RGL1: variants seen among roughly 807,000 people sequenced by gnomAD.
RGL1 encodes the protein ral guanine nucleotide dissociation stimulator like 1, also known as ral guanine nucleotide dissociation stimulator-like 1.
In RGL1, 24 loss-of-function variants were observed where a neutral mutation model predicts 95.2. The ratio of observed to expected loss-of-function variants is 0.25; its 90% CI spans 0.18 to 0.35. The LOEUF (loss-of-function observed/expected upper bound fraction) is 0.35. Among genes scored for constraint, RGL1 ranks in the 10% least tolerant of loss-of-function variants. The probability of loss-of-function intolerance (pLI) is 1.00; values close to 1 mark genes in which losing one functional copy is unlikely to be tolerated. For synonymous variants in RGL1, 329 were observed against 344.9 expected (o/e 0.95, Z 0.51); for missense variants, 715 against 936.3 (o/e 0.76, Z 3.08).
At chr1:183,691,065 T>A (rs1035444166) in intron 1 of RGL1, among the ~76,000 whole-genome samples, 1 of 152,146 alleles carries the variant, frequency 6.6e-6, no homozygotes, top group Admixed American at 6.5e-5. Context: ...AAATAAAAAA[T>A]AAAAATAAAA....
chr1:183,797,276 C>T (rs1660746895), intron 2 of RGL1, among the ~76,000 whole-genome samples: 1 of 152,144 alleles, frequency 6.6e-6, no homozygotes, highest in Non-Finnish European at 1.5e-5. Flanking sequence ...TTGCAGTGAG[C>T]TGGGATGGCG....
chr1:183,782,324 G>T (rs1659945222), intron 2 of RGL1, among the ~76,000 whole-genome samples: 1 of 152,186 alleles, frequency 6.6e-6, no homozygotes, highest in Non-Finnish European at 1.5e-5. Context: ...AATTTGTGAG[G>T]CAAGATAGAA....
At chr1:183,902,517 GT>G (rs1244203361) in intron 11 of RGL1, 50 bp from the exon 12 acceptor site, 52 of 1,512,514 alleles carry the variant, frequency 3.4e-5, no homozygotes, top group Non-Finnish European at 4.7e-5. Context: ...ACATATGGCT[GT>G]GTTTTAAAGT....
At chr1:183,827,747 A>G (rs1357485800) in intron 2 of RGL1, among the ~76,000 whole-genome samples, 2 of 152,244 alleles carry the variant, frequency 1.3e-5, no homozygotes, top group Admixed American at 6.5e-5. Context: ...CGTTGGATAC[A>G]ATAGCTGTGT....
At chr1:183,686,858 G>T (rs1653619469) in intron 1 of RGL1, among the ~76,000 whole-genome samples, 1 of 152,124 alleles carries the variant, frequency 6.6e-6, no homozygotes, top group Non-Finnish European at 1.5e-5. Flanking sequence ...CTCAAACCTT[G>T]ACTTGGCAAT....
intron 1 of RGL1, among the ~76,000 whole-genome samples, chr1:183,731,605 A>G (rs1364319545): frequency 6.6e-6 from 1 of 152,168 alleles, no homozygotes; most frequent in Non-Finnish European, 1.5e-5. Flanking sequence ...ACATGGCCAC[A>G]ATTCTGTGAA....
At chr1:183,810,691 A>C (rs1004738880) in intron 2 of RGL1, among the ~76,000 whole-genome samples, 1 of 151,908 alleles carries the variant, frequency 6.6e-6, no homozygotes, top group Admixed American at 6.6e-5. Context: ...TGAGAAGTTG[A>C]CTCTCACTTG....
At chr1:183,754,056 TC>T (rs1658190546) in intron 2 of RGL1, among the ~76,000 whole-genome samples, 1 of 152,074 alleles carries the variant, frequency 6.6e-6, no homozygotes, top group Non-Finnish European at 1.5e-5. Context: ...TAAATTCTTA[TC>T]TTGATGTTTT....
intron 1 of RGL1, among the ~76,000 whole-genome samples, chr1:183,730,418 C>T (rs1332866709): frequency 1.3e-5 from 2 of 152,148 alleles, no homozygotes; most frequent in Non-Finnish European, 1.5e-5. Context: ...ACAAAACTCA[C>T]TACCTCCCCT....
chr1:183,802,358 A>G (rs1661037764), upstream of RGL1, among the ~76,000 whole-genome samples: 1 of 152,164 alleles, frequency 6.6e-6, no homozygotes, highest in Non-Finnish European at 1.5e-5. Context: ...TATGTTTTCA[A>G]ATCAAGAAGC....
intron 2 of RGL1, among the ~76,000 whole-genome samples, chr1:183,832,915 T>C (rs1663359889): frequency 6.6e-6 from 1 of 151,250 alleles, no homozygotes; most frequent in African/African-American, 2.4e-5. Context: ...TCTCCAGGGA[T>C]ATCACAGGAG....
chr1:183,788,344 G>A (rs1660280881), intron 2 of RGL1, among the ~76,000 whole-genome samples: 1 of 152,130 alleles, frequency 6.6e-6, no homozygotes, highest in Admixed American at 6.5e-5. Flanking sequence ...GTGAGGCAGG[G>A]AAAAATGGGA....
At chr1:183,884,461 G>A (rs539053631) in intron 6 of RGL1, among the ~76,000 whole-genome samples, 3 of 152,310 alleles carry the variant, frequency 2.0e-5, no homozygotes, top group Middle Eastern at 3.4e-3. Context: ...AGGAGTTATC[G>A]TGGTGGCTTT....
At chr1:183,837,594 T>TG (rs11378338) in intron 2 of RGL1, among the ~76,000 whole-genome samples, 97,384 of 152,122 alleles carry the variant, frequency 0.64, 31,408 homozygotes, top group African/African-American at 0.7. Flanking sequence ...CAAAATTGCA[T>TG]TGATGTATTC....
chr1:183,736,791 C>G (rs912703492), intron 1 of RGL1, among the ~76,000 whole-genome samples: 2 of 152,062 alleles, frequency 1.3e-5, no homozygotes, highest in African/African-American at 4.8e-5. Flanking sequence ...TGAAAGATTT[C>G]TTCAGGTAGA....
upstream of RGL1, chr1:183,805,040 A>G (rs1572432853): frequency 8.3e-6 from 3 of 363,514 alleles, no homozygotes; most frequent in Admixed American, 1.4e-4. Context: ...CACAAGCACA[A>G]ACAGGAAAGC....
At chr1:183,662,550 T>G (rs1010574311) in intron 1 of RGL1, among the ~76,000 whole-genome samples, 3 of 152,032 alleles carry the variant, frequency 2.0e-5, no homozygotes, top group African/African-American at 4.8e-5. Flanking sequence ...CACTGCTCAC[T>G]GAAATAAAAG....
At chr1:183,894,037 C>T (rs1459547108) in intron 9 of RGL1, among the ~76,000 whole-genome samples, 1 of 152,224 alleles carries the variant, frequency 6.6e-6, no homozygotes, top group African/African-American at 2.4e-5. Context: ...ACCTGATTAA[C>T]TGCACACTAA....
intron 1 of RGL1, among the ~76,000 whole-genome samples, chr1:183,731,042 A>C (rs548367128): frequency 1.3e-5 from 2 of 152,208 alleles, no homozygotes; most frequent in Non-Finnish European, 2.9e-5. Context: ...TTTTCAGTAC[A>C]CAATGAAGTT....
Sources: gnomAD v4.1 joint callset for allele counts (sites outside exome capture counted in the v4.1 genomes callset) on GRCh38, gnomAD v4.1.1 for gene constraint, MANE v1.5 for transcripts, NCBI Gene and HGNC (gene_info 2026-07-23, HGNC 2026-07-21) for gene names.